The following ZRANB3 variants were observed in gnomAD, a reference collection of about 807,000 sequenced individuals.
The protein encoded by ZRANB3 is zinc finger RANBP2-type containing 3.
Under a neutral mutation model 133.8 loss-of-function variants are expected in ZRANB3, and 125 were observed. The ratio of observed to expected loss-of-function variants is 0.93; its 90% confidence interval spans 0.81 to 1.08. ZRANB3 has a LOEUF of 1.08. Among genes scored for constraint, ZRANB3 ranks in the 50% least tolerant of loss-of-function variants. The pLI is 0.00. For synonymous variants in ZRANB3, 387 were observed against 432.7 expected, an observed-to-expected ratio of 0.89 and a Z score of 1.31; for missense variants, 1,229 against 1,275.5, an observed-to-expected ratio of 0.96 and a Z score of 0.56.
intron 19 of ZRANB3, 125 bp downstream of exon 19, chr2:135,207,308 TG>T (rs1374232675): frequency 8.6e-7 from 1 of 1,165,144 alleles, no homozygotes; most frequent in African/African-American, 1.5e-5. Context: ...GATGGACATA[TG>T]GGTCCATTAT....
intron 2 of ZRANB3, among the ~76,000 whole-genome samples, chr2:135,440,237 TTGAGA>T (rs1689720030): frequency 6.6e-6 from 1 of 152,154 alleles, no homozygotes; most frequent in South Asian, 2.1e-4. Context: ...ACCATCTCTC[TTGAGA>T]TAAGAAATAA....
At chr2:135,367,349 G>A (rs1228847756) in intron 3 of ZRANB3, among the ~76,000 whole-genome samples, 4 of 152,202 alleles carry the variant, frequency 2.6e-5, no homozygotes, top group Admixed American at 6.5e-5. Flanking sequence ...GTGGACTGGA[G>A]GCGGGGACTG....
At chr2:135,308,965 A>C (rs1248732345) in intron 8 of ZRANB3, among the ~76,000 whole-genome samples, 1 of 151,460 alleles carries the variant, frequency 6.6e-6, no homozygotes, top group East Asian at 1.9e-4. Context: ...ATCTAAAAAA[A>C]CTTAGTAATA....
At chr2:135,257,506 G>A (rs990901209) in intron 12 of ZRANB3, among the ~76,000 whole-genome samples, 1 of 152,158 alleles carries the variant, frequency 6.6e-6, no homozygotes, top group African/African-American at 2.4e-5. Flanking sequence ...GGAACTCCCA[G>A]ATGGTTTTAC....
intron 2 of ZRANB3, among the ~76,000 whole-genome samples, chr2:135,425,871 C>T (rs531215167): frequency 5.4e-5 from 8 of 149,438 alleles, no homozygotes; most frequent in East Asian, 2.0e-4. Context: ...AATTGAGATA[C>T]GAAAAAAAAA....
In ZRANB3 at chr2:135,496,416, A is replaced by T. The variant is rs1230862458; in HGVS notation, c.161+7913T>A. ...AAAAAAAAAAAAAAAAAAAAAACGA[A>T]ATCCGCAGATTAAGATTATTTATTA... On this transcript the variant is annotated intron_variant, in intron 2 of 20. Coordinates refer to ENST00000264159, the MANE Select transcript of ZRANB3 (RefSeq NM_032143.4). 2.7e-5 allele frequency among the ~76,000 whole-genome samples: 4 copies of T among 150,314 alleles called. No homozygotes were observed. In the East Asian group the frequency reaches 7.7e-4, roughly 29 times the overall value.
chr2:135,481,619 A>G (rs1191299590), intron 2 of ZRANB3, among the ~76,000 whole-genome samples: 2 of 150,002 alleles, frequency 1.3e-5, no homozygotes, highest in Non-Finnish European at 3.0e-5. Context: ...CTTTAGTTTA[A>G]TTAGATCCCA....
chr2:135,217,089 G>C (rs377453357), intron 17 of ZRANB3, among the ~76,000 whole-genome samples: 1 of 152,138 alleles, frequency 6.6e-6, no homozygotes. Context: ...TCATACTCAC[G>C]CACAGCAGGG....
chr2:135,272,728 A>C (rs1680591476), intron 9 of ZRANB3, among the ~76,000 whole-genome samples: 1 of 152,054 alleles, frequency 6.6e-6, no homozygotes, highest in Non-Finnish European at 1.5e-5. Context: ...ACTTTAAAGA[A>C]ATATGTGATA....
intron 2 of ZRANB3, among the ~76,000 whole-genome samples, chr2:135,479,713 T>A (rs547820459): frequency 6.6e-5 from 10 of 151,960 alleles, no homozygotes; most frequent in African/African-American, 1.9e-4. Flanking sequence ...CATAACACTT[T>A]CAGACACGGA....
chr2:135,305,196 A>T (rs1339645690), intron 8 of ZRANB3, among the ~76,000 whole-genome samples: 1 of 152,108 alleles, frequency 6.6e-6, no homozygotes, highest in Non-Finnish European at 1.5e-5. Context: ...CAGGCCTCAT[A>T]TGATCCACCT....
chr2:135,405,801 T>C (rs1181047724), intron 2 of ZRANB3, among the ~76,000 whole-genome samples: 6 of 152,160 alleles, frequency 3.9e-5, no homozygotes, highest in African/African-American at 1.4e-4. Flanking sequence ...CACCAGAATC[T>C]CTGGGACACA....
At chr2:135,426,906 ATATATG>A (rs1343939594) in intron 2 of ZRANB3, among the ~76,000 whole-genome samples, 1 of 111,146 alleles carries the variant, frequency 9.0e-6, no homozygotes, top group Non-Finnish European at 1.8e-5. Context: ...ATATATATAT[ATATATG>A]TGCAAATCAA....
chr2:135,231,346 A>C (rs981062104), intron 12 of ZRANB3, among the ~76,000 whole-genome samples: 1 of 152,244 alleles, frequency 6.6e-6, no homozygotes, highest in Admixed American at 6.5e-5. Context: ...AAAAAAAGGC[A>C]ACTGTGTATT....
At chr2:135,387,346 G>A (rs1687028787) in intron 3 of ZRANB3, among the ~76,000 whole-genome samples, 1 of 152,104 alleles carries the variant, frequency 6.6e-6, no homozygotes, top group Admixed American at 6.6e-5. Flanking sequence ...GCAAGAGAAG[G>A]AAAACCATAT....
intron 12 of ZRANB3, among the ~76,000 whole-genome samples, chr2:135,255,541 A>T (rs556081466): frequency 6.6e-6 from 1 of 152,126 alleles, no homozygotes; most frequent in South Asian, 2.1e-4. Flanking sequence ...TGCCCAATTC[A>T]TGACTTGCTA....
chr2:135,297,517 G>A lies in ZRANB3; in HGVS notation c.966+15972C>T, dbSNP rs547001565. 6.6e-5 allele frequency among the ~76,000 whole-genome samples: 10 copies of A among 152,362 alleles called. No individual in the cohort carries two copies. The East Asian group carries it at 1.7e-3, about 26-fold the overall frequency. The stretch of plus-strand genomic sequence containing the variant: ...AGGAAAGGGAATTCCCTGACCCCTT[G>A]CGCTTCACGGGTGAGGCGATGCCTC... On this transcript the variant is annotated intron_variant, in intron 8 of 20. Coordinates refer to ENST00000264159, the MANE Select transcript of ZRANB3 (RefSeq NM_032143.4).
chr2:135,512,721 A>C lies in ZRANB3; in HGVS notation c.-7-8225T>G, dbSNP rs1176661771. 2.0e-5 allele frequency among the ~76,000 whole-genome samples: 3 copies of C among 151,866 alleles called. No homozygotes were observed. In the East Asian group the frequency reaches 5.8e-4, roughly 29 times the overall value. On this transcript the variant is annotated intron_variant, in intron 1 of 20. Coordinates refer to ENST00000264159, the MANE Select transcript of ZRANB3 (RefSeq NM_032143.4). ...TAACATAGGTTTCAGGCAAAAAAAA[A>C]TTATTAAAATAAAGAAAAGCATTTT...
intron 6 of ZRANB3, among the ~76,000 whole-genome samples, chr2:135,316,032 C>T (rs1683236056): frequency 6.6e-6 from 1 of 152,148 alleles, no homozygotes; most frequent in Admixed American, 6.6e-5. Flanking sequence ...TCTCTTCTTC[C>T]TTTGAAATAC....
Sources: allele counts gnomAD v4.1 joint callset (sites outside exome capture counted in the v4.1 genomes callset), GRCh38; gene constraint gnomAD v4.1.1; transcripts MANE v1.5; gene names NCBI Gene and HGNC (gene_info 2026-07-23, HGNC 2026-07-21).